The following AKAP7 variants were observed in gnomAD, a reference collection of about 807,000 sequenced individuals.
AKAP7 encodes A-kinase anchoring protein 7.
AKAP7 carries 39 observed loss-of-function variants against 39.5 expected under a neutral mutation model. That is an observed-to-expected ratio of 0.99 (90% CI 0.76 to 1.29). The LOEUF (loss-of-function observed/expected upper bound fraction) is 1.29. AKAP7 is among the 50% of genes most tolerant of loss of function. AKAP7 has a pLI of 0.00. For synonymous variants in AKAP7, 140 were observed against 139.1 expected (o/e 1.01, Z -0.05); for missense variants, 414 against 407.7 (o/e 1.02, Z -0.13).
intron 6 of AKAP7, among the ~76,000 whole-genome samples, chr6:131,213,831 G>A (rs1585103855): frequency 1.3e-5 from 2 of 152,162 alleles, no homozygotes; most frequent in East Asian, 3.8e-4. Context: ...AGCTTACGTG[G>A]GAACAGACTG....
intron 5 of AKAP7, among the ~76,000 whole-genome samples, chr6:131,194,122 C>A (rs921953938): frequency 6.6e-6 from 1 of 151,830 alleles, no homozygotes; most frequent in Non-Finnish European, 1.5e-5. Context: ...TAGAATGCAT[C>A]ATTAGGTTAT....
At chr6:131,185,836 C>G (rs1380291464) in intron 5 of AKAP7, among the ~76,000 whole-genome samples, 1 of 152,190 alleles carries the variant, frequency 6.6e-6, no homozygotes, top group Non-Finnish European at 1.5e-5. Flanking sequence ...TCCAATTTAT[C>G]TGTTTTTACT....
upstream of AKAP7, among the ~76,000 whole-genome samples, chr6:131,134,038 C>T (rs1800389084): frequency 1.3e-5 from 2 of 152,314 alleles, no homozygotes; most frequent in South Asian, 4.1e-4. Flanking sequence ...ATGGCATCAT[C>T]TCAGCTCACT....
intron 5 of AKAP7, among the ~76,000 whole-genome samples, chr6:131,194,176 A>T (rs186056469): frequency 1.3e-5 from 2 of 152,058 alleles, no homozygotes; most frequent in African/African-American, 4.8e-5. Flanking sequence ...CACTTAAAAC[A>T]ATAAAATTCC....
chr6:131,198,822 A>G (rs557700517), intron 5 of AKAP7, among the ~76,000 whole-genome samples: 1 of 152,180 alleles, frequency 6.6e-6, no homozygotes, highest in Non-Finnish European at 1.5e-5. Context: ...CCTTGCACAC[A>G]TGCACTGATC....
At chr6:131,240,558 G>C (rs1197885185) in intron 7 of AKAP7, among the ~76,000 whole-genome samples, 1 of 152,238 alleles carries the variant, frequency 6.6e-6, no homozygotes, top group Non-Finnish European at 1.5e-5. Context: ...GCTCCACCCA[G>C]TTGGAGCTTC....
intron 6 of AKAP7, among the ~76,000 whole-genome samples, chr6:131,213,098 T>A (rs937638395): frequency 1.3e-5 from 2 of 152,218 alleles, no homozygotes; most frequent in Non-Finnish European, 2.9e-5. Flanking sequence ...ACTTTTGACC[T>A]CTAAGCTATA....
At chr6:131,182,911 A>C (rs1256844497) in intron 5 of AKAP7, among the ~76,000 whole-genome samples, 1 of 152,162 alleles carries the variant, frequency 6.6e-6, no homozygotes. Flanking sequence ...TAACTAATTA[A>C]AACTAGCAAA....
chr6:131,180,752 A>G (rs1805114263), intron 5 of AKAP7, among the ~76,000 whole-genome samples: 1 of 151,076 alleles, frequency 6.6e-6, no homozygotes, highest in African/African-American at 2.4e-5. Flanking sequence ...AATGCTCTAG[A>G]TTTATTCATA....
At chr6:131,277,086 A>G (rs1814805295) in intron 7 of AKAP7, among the ~76,000 whole-genome samples, 1 of 152,238 alleles carries the variant, frequency 6.6e-6, no homozygotes, top group Non-Finnish European at 1.5e-5. Context: ...TTGGGTTAAT[A>G]TAAACAAAAC....
chr6:131,156,906 C>CTGGGA (rs1419985654), intron 2 of AKAP7, among the ~76,000 whole-genome samples: 2 of 152,006 alleles, frequency 1.3e-5, no homozygotes, highest in Non-Finnish European at 2.9e-5. Flanking sequence ...TCCCGAGTAG[C>CTGGGA]TGGGACTACA....
Position 131,169,297 on chromosome 6 carries a change from G to A in AKAP7, c.589+24G>A, listed in dbSNP as rs549083789. 5.0e-6 allele frequency: 8 copies of A among 1,609,556 alleles called. No individual in the cohort carries two copies. In the South Asian group the frequency reaches 7.8e-5, roughly 16 times the overall value. ...AGGTAAAACAGCAACACACTCATAT[G>A]AAATCTTGTCTGTTGGAGAAGCAAT... is the stretch of plus-strand genomic sequence containing the variant. On this transcript the variant is annotated intron_variant, in intron 5 of 7. Coordinates refer to ENST00000431975, the MANE Select transcript of AKAP7 (RefSeq NM_016377.4).
chr6:131,155,815 C>G (rs1462769215), intron 2 of AKAP7, among the ~76,000 whole-genome samples: 1 of 152,018 alleles, frequency 6.6e-6, no homozygotes, highest in Non-Finnish European at 1.5e-5. Flanking sequence ...CTATTTGGTG[C>G]CCAAATTGTC....
At chr6:131,217,967 T>G (rs1017498831) in intron 6 of AKAP7, among the ~76,000 whole-genome samples, 11 of 152,198 alleles carry the variant, frequency 7.2e-5, no homozygotes, top group African/African-American at 2.7e-4. Context: ...CCATTTACTT[T>G]GAATGTTTTT....
chr6:131,282,520 A>T lies in AKAP7; in HGVS notation c.*794A>T, dbSNP rs1301863723. 4.6e-6 allele frequency: 7 copies of T among 1,535,922 alleles called. No individual in the cohort carries two copies. Among genetic ancestry groups the T allele is most frequent in the Non-Finnish European group, 6.1e-6 (7 of 1,146,796 alleles). ...TATTAAAGCCTGAGACTCAGGCCAGAATTAGGAGGGAGCTTTTTGAAGGAA... is the reference window on the plus strand; with the variant it reads ...TATTAAAGCCTGAGACTCAGGCCAGTATTAGGAGGGAGCTTTTTGAAGGAA... On this transcript the variant is annotated 3_prime_UTR_variant, in exon 8 of 8. Transcript: ENST00000431975.
At chr6:131,133,827 G>A (rs562534222), upstream of AKAP7, among the ~76,000 whole-genome samples, 3 of 152,336 alleles carry the variant, frequency 2.0e-5, no homozygotes, top group Admixed American at 6.5e-5. Context: ...CCATTTTAAC[G>A]ATGATAAAGT....
chr6:131,234,509 C>T (rs1215605526), intron 7 of AKAP7, among the ~76,000 whole-genome samples: 2 of 151,530 alleles, frequency 1.3e-5, no homozygotes, highest in South Asian at 2.1e-4. Flanking sequence ...TTTTCCAGGC[C>T]GAGAAAGCAG....
intron 2 of AKAP7, among the ~76,000 whole-genome samples, chr6:131,153,922 T>C (rs1006993676): frequency 2.2e-4 from 33 of 151,998 alleles, no homozygotes; most frequent in African/African-American, 7.7e-4. Context: ...AAAAGTGCTC[T>C]TTATTGGCCA....
intron 6 of AKAP7, among the ~76,000 whole-genome samples, chr6:131,203,083 G>A (rs1370071650): frequency 6.6e-6 from 1 of 152,092 alleles, no homozygotes; most frequent in Non-Finnish European, 1.5e-5. Flanking sequence ...AGACCTGCAG[G>A]CTTAAATAAA....
Sources: gnomAD v4.1 joint callset for allele counts (sites outside exome capture counted in the v4.1 genomes callset) on GRCh38, gnomAD v4.1.1 for gene constraint, MANE v1.5 for transcripts, NCBI Gene and HGNC (gene_info 2026-07-23, HGNC 2026-07-21) for gene names.